Variants in NVL observed in about 807,000 individuals in gnomAD.
NVL encodes the protein nuclear VCP like, also known as nuclear valosin-containing protein-like.
In NVL, 84 loss-of-function variants were observed where a neutral mutation model predicts 110.2. That is an observed-to-expected ratio of 0.76 (90% CI 0.64 to 0.91). The LOEUF (loss-of-function observed/expected upper bound fraction) is 0.91. Among genes scored for constraint, NVL ranks in the 40% least tolerant of loss-of-function variants. NVL has a pLI of 0.00. For synonymous variants in NVL, 354 were observed against 361.1 expected, an observed-to-expected ratio of 0.98 and a Z score of 0.22; for missense variants, 882 against 1,035.9, an observed-to-expected ratio of 0.85 and a Z score of 2.04.
chr1:224,268,910 C>T (rs527521850), intron 17 of NVL, among the ~76,000 whole-genome samples: 5 of 152,016 alleles, frequency 3.3e-5, no homozygotes, highest in Non-Finnish European at 7.4e-5. Context: ...CTGCCCACCT[C>T]GGCCTCCCAA....
intron 2 of NVL, among the ~76,000 whole-genome samples, chr1:224,322,840 G>A (rs1471875164): frequency 6.6e-6 from 1 of 152,120 alleles, no homozygotes; most frequent in Non-Finnish European, 1.5e-5. Flanking sequence ...CGTAGTCCCA[G>A]CCCCTCGGGA....
chr1:224,308,762 T>C (rs1281499650), intron 5 of NVL, among the ~76,000 whole-genome samples: 2 of 147,288 alleles, frequency 1.4e-5, no homozygotes, highest in African/African-American at 2.5e-5. Flanking sequence ...GCATTTACTA[T>C]TCAAAAAGAC....
At chr1:224,234,412 G>C (rs968991588) in intron 20 of NVL, among the ~76,000 whole-genome samples, 6 of 151,710 alleles carry the variant, frequency 4.0e-5, no homozygotes, top group African/African-American at 1.5e-4. Context: ...CTCATCTCTG[G>C]ACATTAAACT....
chr1:224,278,973 C>T (rs963178944), intron 16 of NVL, among the ~76,000 whole-genome samples: 1 of 152,062 alleles, frequency 6.6e-6, no homozygotes, highest in African/African-American at 2.4e-5. Flanking sequence ...AATCCTCCTG[C>T]CTTGACCTCT....
intron 17 of NVL, among the ~76,000 whole-genome samples, chr1:224,271,878 G>T (rs934733567): frequency 9.9e-5 from 15 of 152,040 alleles, no homozygotes; most frequent in Admixed American, 9.8e-4. Context: ...GCCAGGCGTG[G>T]TGGTGTGCGC....
chr1:224,324,952 G>C (rs1475642051), intron 2 of NVL, among the ~76,000 whole-genome samples: 1 of 152,058 alleles, frequency 6.6e-6, no homozygotes, highest in African/African-American at 2.4e-5. Context: ...TGGAGATAGA[G>C]CCTCTAGAAA....
intron 12 of NVL, among the ~76,000 whole-genome samples, chr1:224,293,109 G>A (rs1483304323): frequency 6.4e-5 from 9 of 141,710 alleles, no homozygotes; most frequent in Admixed American, 1.5e-4. Flanking sequence ...TTGCTCTGTC[G>A]CCCAGGCTGG....
At chr1:224,301,103 T>C (rs1250987379) in intron 9 of NVL, among the ~76,000 whole-genome samples, 1 of 146,594 alleles carries the variant, frequency 6.8e-6, no homozygotes, top group African/African-American at 2.5e-5. Context: ...CAAAACTCCA[T>C]CTCAAAAAAA....
chr1:224,253,777 T>C (rs1346748702), intron 18 of NVL, among the ~76,000 whole-genome samples: 1 of 151,532 alleles, frequency 6.6e-6, no homozygotes, highest in African/African-American at 2.4e-5. Flanking sequence ...TGCCAAACTG[T>C]TTTCCAAACT....
intron 18 of NVL, among the ~76,000 whole-genome samples, chr1:224,251,980 A>G (rs1662561649): frequency 6.6e-6 from 1 of 152,088 alleles, no homozygotes; most frequent in Non-Finnish European, 1.5e-5. Context: ...TTCCGCTCCC[A>G]CTGCAGAATG....
At chr1:224,263,205 C>G (rs1417298910) in intron 18 of NVL, among the ~76,000 whole-genome samples, 4 of 152,172 alleles carry the variant, frequency 2.6e-5, no homozygotes, top group African/African-American at 9.6e-5. Flanking sequence ...GTCCCTCCCT[C>G]TATATGTCAA....
At chr1:224,271,943 G>A (rs548867952) in intron 17 of NVL, among the ~76,000 whole-genome samples, 2 of 151,996 alleles carry the variant, frequency 1.3e-5, no homozygotes, top group African/African-American at 2.4e-5. Flanking sequence ...GAACCCAGGA[G>A]GCAGAGGTTG....
intron 12 of NVL, among the ~76,000 whole-genome samples, chr1:224,293,741 T>G (rs1571976256): frequency 6.6e-6 from 1 of 152,248 alleles, no homozygotes; most frequent in East Asian, 1.9e-4. Context: ...CAAATGAGTA[T>G]GGATACATAA....
intron 10 of NVL, chr1:224,298,591 C>A (rs1668098545): frequency 4.6e-6 from 1 of 218,874 alleles, no homozygotes; most frequent in South Asian, 8.3e-5. Flanking sequence ...CCTGTGAATT[C>A]ATGGCATAAT....
chr1:224,260,044 C>T (rs550347181), intron 18 of NVL, among the ~76,000 whole-genome samples: 2 of 152,230 alleles, frequency 1.3e-5, no homozygotes, highest in African/African-American at 4.8e-5. Flanking sequence ...CTGGGCATAA[C>T]CTAATTTTAA....
chr1:224,255,574 T>C (rs985716335), intron 18 of NVL, among the ~76,000 whole-genome samples: 33 of 152,222 alleles, frequency 2.2e-4, no homozygotes, highest in African/African-American at 8.0e-4. Flanking sequence ...CTTTATATTC[T>C]CTTATTTGCA....
intron 18 of NVL, chr1:224,257,001 T>C (rs773363386): frequency 2.0e-6 from 1 of 504,890 alleles, no homozygotes; most frequent in Non-Finnish European, 4.1e-6. Flanking sequence ...GCTTCCCAAC[T>C]GGTTCCCTAT....
At chr1:224,305,479 T>G (rs1572017133) in intron 6 of NVL, 1 of 220,054 alleles carries the variant, frequency 4.5e-6, no homozygotes, top group African/African-American at 2.3e-5. Context: ...GCATCCCATA[T>G]GGGGAAAAAA....
intron 1 of NVL, among the ~76,000 whole-genome samples, chr1:224,328,051 A>G (rs540183381): frequency 6.6e-6 from 1 of 152,134 alleles, no homozygotes; most frequent in African/African-American, 2.4e-5. Flanking sequence ...GAGCAGGGCT[A>G]TGGCAAGCTC....
Sources: gnomAD v4.1 joint callset for allele counts (sites outside exome capture counted in the v4.1 genomes callset) on GRCh38, gnomAD v4.1.1 for gene constraint, MANE v1.5 for transcripts, NCBI Gene and HGNC (gene_info 2026-07-23, HGNC 2026-07-21) for gene names.